UQCRC2: variants seen among roughly 807,000 people sequenced by gnomAD.
UQCRC2 encodes ubiquinol-cytochrome c reductase core protein 2.
Under a neutral mutation model 55.6 loss-of-function variants are expected in UQCRC2, and 49 were observed. The observed-to-expected ratio is 0.88, with a 90% CI of 0.70 to 1.12. The LOEUF (loss-of-function observed/expected upper bound fraction) is 1.12, where lower values mean the gene tolerates loss of function less well. Among genes scored for constraint, UQCRC2 ranks in the 50% most tolerant of loss-of-function variants. The pLI, the probability that UQCRC2 is intolerant of heterozygous loss-of-function variation, is 0.00. For synonymous variants in UQCRC2, 193 were observed against 192.0 expected (o/e 1.01, Z -0.04); for missense variants, 506 against 547.8 (o/e 0.92, Z 0.76).
Position 21,962,462 on chromosome 16 carries a change from T to G in UQCRC2, c.335T>G (p.Val112Gly). The stretch of plus-strand genomic sequence containing the variant: ...CTCTAGTTTATTTTCCGATTCAGTG[T>G]GACCGCAACAAGGGAAAACATGGCT... ...GIEAVGGKLS[V>G]TATRENMAYT... The change falls in exon 5 of 14, where the codon GTG becomes GGG. Residue 112 changes from valine (V) to glycine (G), a missense_variant and splice_region_variant. Transcript: ENST00000268379. 6.2e-7 allele frequency: 1 copy of G among 1,614,186 alleles called. No homozygotes were observed. The highest frequency in any genetic ancestry group is 8.5e-7 in the Non-Finnish European group (1 of 1,180,014).
chr16:21,983,341 T>G lies in UQCRC2; in HGVS notation c.*170T>G. 1 of 560,038 alleles carries G rather than the reference T, an allele frequency of 1.8e-6. No individual in the cohort carries two copies. The highest frequency in any genetic ancestry group is 3.0e-5 in the East Asian group (1 of 33,072). 34.7% of individuals were successfully genotyped at this position (560,038 alleles called of 1,614,324 possible). A position where few individuals can be genotyped will look rare whatever the true frequency, so the allele number is the denominator to read the frequency against. ...CTGACCTAAAGTCAATAAAACATTC[T>G]GTTTAAGTGTTTTTCTTACGTTTTT... On this transcript the variant is annotated 3_prime_UTR_variant, in exon 14 of 14. Transcript: ENST00000268379.
chr16:21,974,021 C>G, intron 11 of UQCRC2, 45 bp downstream of exon 11: 1 of 1,477,238 alleles, frequency 6.8e-7, no homozygotes, highest in Admixed American at 2.2e-5. Context: ...CAAGTTATTT[C>G]TCCCCCCCGC....
Position 21,980,543 on chromosome 16 carries a change from A to G in UQCRC2, c.1125-4A>G. 3.1e-6 allele frequency: 5 copies of G among 1,612,280 alleles called. No individual in the cohort carries two copies. The highest frequency in any genetic ancestry group is 1.1e-5 in the South Asian group (1 of 90,586). ...AAAACTGACTTCTGCCTTTTATTGGACAGGAACAAGCTGAAAGCTGGATAC... is the reference window on the plus strand; with the variant it reads ...AAAACTGACTTCTGCCTTTTATTGGGCAGGAACAAGCTGAAAGCTGGATAC... On this transcript the variant is annotated splice_polypyrimidine_tract_variant and splice_region_variant and intron_variant, in intron 12 of 13. Coordinates refer to ENST00000268379, the MANE Select transcript of UQCRC2 (RefSeq NM_003366.4).
intron 13 of UQCRC2, among the ~76,000 whole-genome samples, chr16:21,982,061 C>T (rs933185245): frequency 2.0e-5 from 3 of 152,008 alleles, no homozygotes; most frequent in Admixed American, 6.6e-5. Context: ...AGGATGGTCT[C>T]GATCTCCTGA....
chr16:21,960,982 C>T (rs2141929993), intron 4 of UQCRC2, among the ~76,000 whole-genome samples: 1 of 152,282 alleles, frequency 6.6e-6, no homozygotes, highest in South Asian at 2.1e-4. Flanking sequence ...AGGCACATGA[C>T]TCCATGCCTG....
At chr16:21,955,829 CT>C (rs34469795) in intron 1 of UQCRC2, among the ~76,000 whole-genome samples, 6 of 149,504 alleles carry the variant, frequency 4.0e-5, no homozygotes, top group African/African-American at 4.9e-5. Flanking sequence ...TTGTCTTTTT[CT>C]TTTTTTTTTC....
At chr16:21,973,155 C>T (rs1250704720) in intron 10 of UQCRC2, among the ~76,000 whole-genome samples, 2 of 152,138 alleles carry the variant, frequency 1.3e-5, no homozygotes, top group Non-Finnish European at 2.9e-5. Context: ...TTATGCTTTA[C>T]GTGGACTGAG....
At chr16:21,982,495 A>C (rs186797246) in intron 13 of UQCRC2, among the ~76,000 whole-genome samples, 2 of 152,238 alleles carry the variant, frequency 1.3e-5, no homozygotes, top group East Asian at 1.9e-4. Flanking sequence ...TGTTTTCCTT[A>C]TCTCTCTTTG....
chr16:21,976,613 A>C (rs773909014), intron 12 of UQCRC2: 3 of 178,940 alleles, frequency 1.7e-5, no homozygotes, highest in African/African-American at 7.1e-5. Context: ...GTATATATAG[A>C]TGCTGCTTGA....
chr16:21,962,389 G>A (rs766822832), intron 4 of UQCRC2, 71 bp from the exon 5 acceptor site: 18 of 1,563,156 alleles, frequency 1.2e-5, no homozygotes, highest in Non-Finnish European at 1.6e-5. Context: ...GGAATTGGTT[G>A]ATAGAAGATT....
intron 12 of UQCRC2, 74 bp from the exon 13 acceptor site, chr16:21,980,473 C>G: frequency 6.6e-7 from 1 of 1,511,498 alleles, no homozygotes; most frequent in Non-Finnish European, 9.0e-7. Flanking sequence ...ATGTTCACAG[C>G]CCCCCGCCAC....
intron 13 of UQCRC2, among the ~76,000 whole-genome samples, chr16:21,981,114 T>C (rs549203756): frequency 6.6e-6 from 1 of 152,348 alleles, no homozygotes; most frequent in African/African-American, 2.4e-5. Flanking sequence ...ATAGTGAAGT[T>C]TGCTATTTTT....
chr16:21,958,291 A>G (rs1376519615), intron 3 of UQCRC2, among the ~76,000 whole-genome samples: 1 of 152,254 alleles, frequency 6.6e-6, no homozygotes, highest in Non-Finnish European at 1.5e-5. Flanking sequence ...AGTCTCTTTC[A>G]GAATAGACTA....
chr16:21,965,326 A>T (rs1256171279), intron 6 of UQCRC2, 82 bp from the exon 7 acceptor site: 13 of 1,334,176 alleles, frequency 9.7e-6, no homozygotes, highest in Non-Finnish European at 1.4e-5. Context: ...AAATTTGTAT[A>T]GGCTTGTTGC....
At position 21,957,237 on chromosome 16, in the gene UQCRC2, A is replaced by AT. The variant is rs766622560; in HGVS notation, c.40dup (p.Tyr14LeufsTer10). 1.9e-6 allele frequency: 3 copies of AT among 1,613,194 alleles called. No individual in the cohort carries two copies. The East Asian group carries it at 6.7e-5, about 36-fold the overall frequency. ...TAACCTGTGTTTTTTATGTTTAGAG[A>AT]TTTTATTCCCTCAAAGTTGCCCCCA... On this transcript the variant is annotated frameshift_variant, in exon 2 of 14. Transcript: ENST00000268379. LOFTEE classifies it high-confidence loss of function.
At chr16:21,968,957 C>T (rs1042691434) in intron 8 of UQCRC2, among the ~76,000 whole-genome samples, 1 of 152,098 alleles carries the variant, frequency 6.6e-6, no homozygotes, top group Non-Finnish European at 1.5e-5. Flanking sequence ...AGAGCTTTTA[C>T]AAACTTTTTT....
intron 12 of UQCRC2, 138 bp downstream of exon 12, chr16:21,976,381 T>C (rs780008234): frequency 2.9e-6 from 2 of 699,072 alleles, no homozygotes; most frequent in Non-Finnish European, 4.7e-6. Flanking sequence ...CATACCCATA[T>C]CCTACCACCT....
At chr16:21,977,860 A>G (rs1008096865) in intron 12 of UQCRC2, among the ~76,000 whole-genome samples, 4 of 152,202 alleles carry the variant, frequency 2.6e-5, no homozygotes, top group African/African-American at 9.6e-5. Flanking sequence ...TGAGCACACT[A>G]CAAAGTTGCA....
intron 10 of UQCRC2, 116 bp from the exon 11 acceptor site, chr16:21,973,780 A>G (rs1567477389): frequency 3.6e-6 from 3 of 832,372 alleles, no homozygotes; most frequent in South Asian, 3.3e-5. Context: ...TAAGTAAAAT[A>G]TTAATCTATT....
Sources: gnomAD v4.1 joint callset for allele counts (sites outside exome capture counted in the v4.1 genomes callset) on GRCh38, gnomAD v4.1.1 for gene constraint, MANE v1.5 for transcripts, NCBI Gene and HGNC (gene_info 2026-07-23, HGNC 2026-07-21) for gene names.